MAMDC2: variants seen among roughly 807,000 people sequenced by gnomAD.
The protein encoded by MAMDC2 is MAM domain-containing protein 2.
A neutral mutation model predicts 89.8 loss-of-function variants in MAMDC2; 57 were observed. That is an observed-to-expected ratio of 0.63 (90% CI 0.51 to 0.79). MAMDC2 has a LOEUF of 0.79. Among genes scored for constraint, MAMDC2 ranks in the 30% least tolerant of loss-of-function variants. The probability of loss-of-function intolerance (pLI) is 0.00; values close to 1 mark genes in which losing one functional copy is unlikely to be tolerated. For synonymous variants in MAMDC2, 313 were observed against 293.4 expected (o/e 1.07, Z -0.68); for missense variants, 800 against 820.6 (o/e 0.97, Z 0.31).
chr9:70,170,971 AATAT>A (rs2032322759), intron 11 of MAMDC2: 2 of 237,638 alleles, frequency 8.4e-6, no homozygotes, highest in East Asian at 1.7e-4. Context: ...TAATATACAA[AATAT>A]ATTGGCAGAC....
intron 9 of MAMDC2, among the ~76,000 whole-genome samples, chr9:70,157,941 C>G (rs186839925): frequency 4.8e-4 from 73 of 151,856 alleles, no homozygotes; most frequent in African/African-American, 1.6e-3. Context: ...CACAAATATA[C>G]CCAACCTCAT....
At chr9:70,145,119 C>T (rs749188955) in intron 9 of MAMDC2, among the ~76,000 whole-genome samples, 1 of 152,214 alleles carries the variant, frequency 6.6e-6, no homozygotes, top group Non-Finnish European at 1.5e-5. Flanking sequence ...AGAGTAGCAG[C>T]ATCTAAGTTT....
chr9:70,111,796 C>G (rs958327717), intron 4 of MAMDC2, among the ~76,000 whole-genome samples: 1 of 152,174 alleles, frequency 6.6e-6, no homozygotes, highest in African/African-American at 2.4e-5. Context: ...GAAGAGACCA[C>G]AAAGGTGTGA....
intron 9 of MAMDC2, among the ~76,000 whole-genome samples, chr9:70,145,316 T>C (rs1402030430): frequency 6.6e-6 from 1 of 152,214 alleles, no homozygotes; most frequent in Admixed American, 6.5e-5. Flanking sequence ...ACCCTTAGCT[T>C]AGACTCTTGC....
intron 7 of MAMDC2, among the ~76,000 whole-genome samples, chr9:70,136,765 T>C (rs2031028185): frequency 6.6e-6 from 1 of 152,214 alleles, no homozygotes; most frequent in African/African-American, 2.4e-5. Context: ...TTTGGGATTT[T>C]TATTTGTTTT....
rs1346413292 is a variant in MAMDC2, at chr9:70,218,176, T to C, written c.1652-161T>C. On this transcript the variant is annotated intron_variant, in intron 11 of 13. Transcript: ENST00000377182. ...TTGTTGGTCTCATTTTTGGAAGTTA[T>C]TCATTCTCCTTAGATAATATGCATT... is the stretch of plus-strand genomic sequence containing the variant. 6 of 676,554 alleles carry C rather than the reference T, an allele frequency of 8.9e-6. No individual in the cohort carries two copies. The South Asian group carries it at 1.4e-4, about 15-fold the overall frequency. 41.9% of individuals were successfully genotyped at this position (676,554 alleles called of 1,614,324 possible).
intron 11 of MAMDC2, among the ~76,000 whole-genome samples, chr9:70,205,902 C>G (rs980798665): frequency 3.3e-5 from 5 of 152,136 alleles, no homozygotes; most frequent in African/African-American, 1.2e-4. Context: ...TCTCTGCTTT[C>G]CAAACACATG....
At position 70,146,621 on chromosome 9, in the gene MAMDC2, C is replaced by T. The variant is rs58713884; in HGVS notation, c.1404+2802C>T. 5.7e-3 allele frequency among the ~76,000 whole-genome samples: 864 copies of T among 152,220 alleles called. 6 individuals are homozygous for T. Among genetic ancestry groups the T allele is most frequent in the African/African-American group, 0.02 (826 of 41,518 alleles). ...AGAAATCAGAGTTTCCCTCACTAGT[C>T]CCTACTGCTGAACTCAAAATTCCAC... On this transcript the variant is annotated intron_variant, in intron 9 of 13. Transcript: ENST00000377182.
At chr9:70,044,737 C>A in intron 2 of MAMDC2, 40 bp downstream of exon 2, 1 of 1,423,438 alleles carries the variant, frequency 7.0e-7, no homozygotes, top group Non-Finnish European at 9.7e-7. Context: ...AGTGAACTTT[C>A]TTCCTTGATG....
At chr9:70,156,644 A>C (rs1210185640) in intron 9 of MAMDC2, among the ~76,000 whole-genome samples, 8 of 152,258 alleles carry the variant, frequency 5.3e-5, no homozygotes, top group Non-Finnish European at 1.2e-4. Context: ...GGCTTTGTAC[A>C]CAGAACAAGG....
At chr9:70,084,182 C>T (rs534624442) in intron 2 of MAMDC2, among the ~76,000 whole-genome samples, 1 of 152,186 alleles carries the variant, frequency 6.6e-6, no homozygotes, top group African/African-American at 2.4e-5. Context: ...AGACTCATAA[C>T]CCTTAAATCT....
At chr9:70,152,945 C>G (rs1437937118) in intron 9 of MAMDC2, among the ~76,000 whole-genome samples, 1 of 152,124 alleles carries the variant, frequency 6.6e-6, no homozygotes, top group African/African-American at 2.4e-5. Flanking sequence ...GAGAAAAAGA[C>G]TAATGAATGT....
chr9:70,045,027 G>A (rs1826713392), intron 2 of MAMDC2, among the ~76,000 whole-genome samples: 1 of 151,036 alleles, frequency 6.6e-6, no homozygotes, highest in Non-Finnish European at 1.5e-5. Flanking sequence ...CCAGCTGTGT[G>A]CCTCTGCAGG....
intron 2 of MAMDC2, among the ~76,000 whole-genome samples, chr9:70,107,205 C>G (rs1251390101): frequency 6.6e-6 from 1 of 152,066 alleles, no homozygotes; most frequent in Non-Finnish European, 1.5e-5. Context: ...AACCAGATGG[C>G]CAGAGGTGGG....
chr9:70,221,378 T>TAG (rs1212981557), intron 12 of MAMDC2, among the ~76,000 whole-genome samples: 136 of 5,504 alleles, frequency 0.025, 8 homozygotes, highest in African/African-American at 0.06. Context: ...TATATATATA[T>TAG]ATAGAGAGAG....
At chr9:70,095,725 G>T (rs1021488866) in intron 2 of MAMDC2, among the ~76,000 whole-genome samples, 1 of 152,210 alleles carries the variant, frequency 6.6e-6, no homozygotes, top group African/African-American at 2.4e-5. Flanking sequence ...AAGCTGGAAG[G>T]CATGGGAGAA....
intron 11 of MAMDC2, among the ~76,000 whole-genome samples, chr9:70,204,410 A>G (rs1470902654): frequency 2.0e-5 from 3 of 151,540 alleles, no homozygotes; most frequent in Non-Finnish European, 1.5e-5. Context: ...GCAGTCTGCC[A>G]GTTCTCAGAT....
intron 12 of MAMDC2, among the ~76,000 whole-genome samples, chr9:70,220,396 C>T (rs1377535198): frequency 1.3e-5 from 2 of 152,152 alleles, no homozygotes; most frequent in Non-Finnish European, 1.5e-5. Flanking sequence ...CTCCAGAATC[C>T]TCCCCCTTGG....
At chr9:70,105,056 T>C (rs1273190617) in intron 2 of MAMDC2, among the ~76,000 whole-genome samples, 3 of 152,184 alleles carry the variant, frequency 2.0e-5, no homozygotes, top group Admixed American at 6.5e-5. Flanking sequence ...TGATTCTTTT[T>C]AAGTAAAAAG....
Sources: allele counts gnomAD v4.1 joint callset (sites outside exome capture counted in the v4.1 genomes callset), GRCh38; gene constraint gnomAD v4.1.1; transcripts MANE v1.5; gene names NCBI Gene and HGNC (gene_info 2026-07-23, HGNC 2026-07-21).